Variants in ZDHHC14 observed in about 807,000 individuals in gnomAD.
ZDHHC14 encodes zDHHC palmitoyltransferase 14, also known as palmitoyltransferase ZDHHC14.
ZDHHC14 carries 16 observed loss-of-function variants against 47.7 expected under a neutral mutation model. That is an observed-to-expected ratio of 0.34 (90% CI 0.23 to 0.51). The LOEUF is 0.51. Ranked by LOEUF, ZDHHC14 falls within the 20% of genes least tolerant of loss-of-function variation. ZDHHC14 has a pLI of 0.97. For synonymous variants in ZDHHC14, 293 were observed against 278.9 expected, an observed-to-expected ratio of 1.05 and a Z score of -0.50; for missense variants, 515 against 662.5, an observed-to-expected ratio of 0.78 and a Z score of 2.44.
chr6:157,514,794 T>C (rs748668315), intron 1 of ZDHHC14, among the ~76,000 whole-genome samples: 30 of 152,172 alleles, frequency 2.0e-4, no homozygotes, highest in Middle Eastern at 3.4e-3. Flanking sequence ...AAGCCACCGA[T>C]GGTATAGGCA....
chr6:157,597,859 GC>G (rs1313500389), intron 3 of ZDHHC14, among the ~76,000 whole-genome samples: 1 of 152,262 alleles, frequency 6.6e-6, no homozygotes, highest in East Asian at 1.9e-4. Context: ...TGGTGTGGGT[GC>G]CACAAAGAAC....
At chr6:157,452,952 G>A (rs993501117) in intron 1 of ZDHHC14, among the ~76,000 whole-genome samples, 4 of 151,968 alleles carry the variant, frequency 2.6e-5, no homozygotes, top group East Asian at 3.9e-4. Flanking sequence ...TGATCCACCC[G>A]CCTTGGCCTC....
chr6:157,445,627 CT>C (rs1353951913), intron 1 of ZDHHC14, among the ~76,000 whole-genome samples: 3 of 152,174 alleles, frequency 2.0e-5, no homozygotes, highest in South Asian at 2.1e-4. Context: ...CAGAAATTAT[CT>C]GGGAAATCTG....
At chr6:157,553,391 G>A (rs992827403) in intron 2 of ZDHHC14, among the ~76,000 whole-genome samples, 12 of 152,250 alleles carry the variant, frequency 7.9e-5, no homozygotes, top group Admixed American at 3.9e-4. Context: ...TGCCTGACTA[G>A]AGTTTGGCAA....
At chr6:157,422,240 G>T (rs951873267) in intron 1 of ZDHHC14, among the ~76,000 whole-genome samples, 7 of 152,196 alleles carry the variant, frequency 4.6e-5, no homozygotes, top group African/African-American at 1.7e-4. Context: ...TTGAGGGTGG[G>T]ATGTCAGAAA....
intron 2 of ZDHHC14, among the ~76,000 whole-genome samples, chr6:157,588,252 C>T (rs908240548): frequency 2.0e-5 from 3 of 151,950 alleles, no homozygotes; most frequent in African/African-American, 7.3e-5. Flanking sequence ...CACAGCAAGA[C>T]TCCATCTCTC....
At chr6:157,462,985 A>C (rs532607432) in intron 1 of ZDHHC14, among the ~76,000 whole-genome samples, 1 of 152,266 alleles carries the variant, frequency 6.6e-6, no homozygotes, top group African/African-American at 2.4e-5. Flanking sequence ...TTACCAATAA[A>C]ATTTCCTAAA....
chr6:157,642,901 G>A (rs374930565), intron 5 of ZDHHC14, among the ~76,000 whole-genome samples: 3 of 152,202 alleles, frequency 2.0e-5, no homozygotes, highest in African/African-American at 4.8e-5. Flanking sequence ...CCACAGGTTC[G>A]CGAATCCTGG....
At position 157,673,002 on chromosome 6, in the gene ZDHHC14, G is replaced by T. The variant is rs1027181737; in HGVS notation, c.1347G>T (p.Arg449Ser). The T allele has an allele frequency of 6.3e-7, 1 of 1,577,624 alleles. No individual in the cohort carries two copies. The highest frequency in any genetic ancestry group is 8.6e-7 in the Non-Finnish European group (1 of 1,166,904). Residue 449 changes from arginine (R) to serine (S), a missense_variant, in exon 9 of 9, where the codon AGG (arginine) becomes AGT (serine). Arg to Ser is a moderately radical substitution (Grantham distance 110, BLOSUM62 -1). Around this residue, in one of 4 missense-constraint regions of ZDHHC14, gnomAD observed 221 missense variants for 233.6 expected, o/e 0.95. Transcript: ENST00000359775. This position sits in a 1 kb window ranked among gnomAD's most constrained non-coding sequence, Gnocchi z 5.4. ...CCGATGAGGCGCCCTCGCCCCCCAG[G>T]CTACTGGCGGCGGGCAGCCCCCTGG... ...LTPDEAPSPP[R>S]LLAAGSPLAH...
At chr6:157,450,112 G>A (rs1158702317) in intron 1 of ZDHHC14, among the ~76,000 whole-genome samples, 1 of 151,900 alleles carries the variant, frequency 6.6e-6, no homozygotes, top group Non-Finnish European at 1.5e-5. Flanking sequence ...TCTGCCACCT[G>A]TCTAATCAGA....
chr6:157,410,987 G>A lies in ZDHHC14; in HGVS notation c.245+28721G>A, dbSNP rs1039756111. ...TGGGATTACAGGCGTGAGCCACCGC[G>A]CCTGGCCTTGATTCCATCTTTAACA... On this transcript the variant is annotated intron_variant, in intron 1 of 8. Coordinates refer to ENST00000359775, the MANE Select transcript of ZDHHC14 (RefSeq NM_024630.3). Among the ~76,000 whole-genome samples the A allele has an allele frequency of 4.6e-5, 7 of 152,234 alleles. No individual in the cohort carries two copies. In the South Asian group the frequency reaches 8.3e-4, roughly 18 times the overall value.
chr6:157,537,190 G>A (rs1206740019), intron 1 of ZDHHC14, among the ~76,000 whole-genome samples: 1 of 152,150 alleles, frequency 6.6e-6, no homozygotes, highest in African/African-American at 2.4e-5. Flanking sequence ...TGATTGTGTG[G>A]TCTCAGATAA....
intron 1 of ZDHHC14, among the ~76,000 whole-genome samples, chr6:157,537,837 T>G (rs1269942699): frequency 6.6e-6 from 1 of 152,216 alleles, no homozygotes; most frequent in Non-Finnish European, 1.5e-5. Context: ...TTTGCCATAC[T>G]GTGCACAGTG....
At chr6:157,484,200 C>T (rs918151356) in intron 1 of ZDHHC14, among the ~76,000 whole-genome samples, 2 of 150,142 alleles carry the variant, frequency 1.3e-5, no homozygotes, top group Non-Finnish European at 3.0e-5. Context: ...GGGTACTAGG[C>T]GTAGTACCTG....
At chr6:157,613,192 A>G (rs890713202) in intron 3 of ZDHHC14, among the ~76,000 whole-genome samples, 3 of 152,212 alleles carry the variant, frequency 2.0e-5, no homozygotes, top group African/African-American at 7.2e-5. Context: ...GCCTCCTACA[A>G]ATTCGAATAA....
chr6:157,645,002 T>C (rs1310786012), intron 5 of ZDHHC14, among the ~76,000 whole-genome samples: 1 of 152,136 alleles, frequency 6.6e-6, no homozygotes, highest in Non-Finnish European at 1.5e-5. Flanking sequence ...TTCCTCTCTC[T>C]CTATGTCCTG....
chr6:157,523,742 A>AT (rs1475629683), intron 1 of ZDHHC14, among the ~76,000 whole-genome samples: 2 of 150,514 alleles, frequency 1.3e-5, no homozygotes, highest in Non-Finnish European at 3.0e-5. Context: ...AAAAAAAAAA[A>AT]GGAAAAAAAT....
chr6:157,513,388 C>T lies in ZDHHC14; in HGVS notation c.246-29197C>T, dbSNP rs111902191. Among the ~76,000 whole-genome samples the T allele has an allele frequency of 4.6e-3, 698 of 152,292 alleles. 3 individuals carry two copies. Among genetic ancestry groups the T allele is most frequent in the African/African-American group, 0.016 (674 of 41,550 alleles). On this transcript the variant is annotated intron_variant, in intron 1 of 8. Transcript: ENST00000359775. ...CACACCTGTCAGGACAGGCAGGGCC[C>T]AGGGTCGGAGCTGATAGTAAGTCAG...
intron 1 of ZDHHC14, among the ~76,000 whole-genome samples, chr6:157,490,037 G>T (rs547382537): frequency 6.6e-6 from 1 of 152,268 alleles, no homozygotes; most frequent in Admixed American, 6.5e-5. Flanking sequence ...TCTGATGTTG[G>T]TGGGATGGGA....
Sources: allele counts gnomAD v4.1 joint callset (sites outside exome capture counted in the v4.1 genomes callset), GRCh38; gene constraint gnomAD v4.1.1; regional missense constraint gnomAD v4.1.1; non-coding constraint Gnocchi (gnomAD v3.1); transcripts MANE v1.5; gene names NCBI Gene and HGNC (gene_info 2026-07-23, HGNC 2026-07-21).